The following PCMT1 variants were observed in gnomAD, a reference collection of about 807,000 sequenced individuals.
PCMT1 encodes protein-L-isoaspartate(D-aspartate) O-methyltransferase.
In PCMT1, 9 loss-of-function variants were observed where a neutral mutation model predicts 29.2. The ratio of observed to expected loss-of-function variants is 0.31; its 90% CI spans 0.19 to 0.54. The LOEUF (loss-of-function observed/expected upper bound fraction) is 0.54. Ranked by LOEUF, PCMT1 falls within the 20% of genes least tolerant of loss-of-function variation. The pLI, the probability that PCMT1 is intolerant of heterozygous loss-of-function variation, is 0.95. For synonymous variants in PCMT1, 98 were observed against 97.5 expected, an observed-to-expected ratio of 1.00 and a Z score of -0.03; for missense variants, 184 against 282.2, an observed-to-expected ratio of 0.65 and a Z score of 2.49.
At chr6:149,810,554 A>G in intron 7 of PCMT1, 62 bp from the exon 8 acceptor site, 1 of 1,328,518 alleles carries the variant, frequency 7.5e-7, no homozygotes, top group Admixed American at 2.0e-5. Flanking sequence ...CTAAACTATT[A>G]TAAAGCCAAA....
intron 3 of PCMT1, among the ~76,000 whole-genome samples, chr6:149,784,225 T>C (rs1787930268): frequency 6.6e-6 from 1 of 152,230 alleles, no homozygotes; most frequent in Non-Finnish European, 1.5e-5. Context: ...TGTGAGGCTG[T>C]ATCTATTCAA....
At chr6:149,764,840 G>C (rs1256633033) in intron 1 of PCMT1, among the ~76,000 whole-genome samples, 2 of 151,714 alleles carry the variant, frequency 1.3e-5, no homozygotes, top group Admixed American at 6.6e-5. Context: ...AGAAGATCGA[G>C]ACCATCCTGG....
chr6:149,783,885 G>C (rs559391419), intron 3 of PCMT1, among the ~76,000 whole-genome samples: 1 of 152,112 alleles, frequency 6.6e-6, no homozygotes. Flanking sequence ...GTAGACATAC[G>C]GTCTCAACTG....
In PCMT1 at chr6:149,802,154, A is replaced by G. The variant is rs756690157; in HGVS notation, c.505-46A>G. 2.8e-5 allele frequency: 37 copies of G among 1,333,496 alleles called. 2 individuals are homozygous for G. The South Asian group carries it at 5.1e-4, about 19-fold the overall frequency. 82.6% of individuals were successfully genotyped at this position (1,333,496 alleles called of 1,614,324 possible). A position where few individuals can be genotyped will look rare whatever the true frequency, so the allele number is the denominator to read the frequency against. ...AAAAATAAATAAATAAAATAAAATA[A>G]AATCTGTAACTTGGTGATGTATGTG... On this transcript the variant is annotated intron_variant, in intron 6 of 7. Coordinates refer to ENST00000464889, the MANE Select transcript of PCMT1 (RefSeq NM_001360452.2).
At chr6:149,762,413 T>C (rs909387837) in intron 1 of PCMT1, among the ~76,000 whole-genome samples, 1 of 151,238 alleles carries the variant, frequency 6.6e-6, no homozygotes, top group African/African-American at 2.4e-5. Context: ...ATTGCACATT[T>C]ACCCCTAATT....
At chr6:149,761,483 C>T (rs1786738884) in intron 1 of PCMT1, among the ~76,000 whole-genome samples, 2 of 152,140 alleles carry the variant, frequency 1.3e-5, no homozygotes, top group Admixed American at 6.6e-5. Flanking sequence ...ATCTTCATAT[C>T]TCTAAATCAT....
At chr6:149,809,711 T>G (rs1052381307) in intron 7 of PCMT1, among the ~76,000 whole-genome samples, 1 of 152,168 alleles carries the variant, frequency 6.6e-6, no homozygotes, top group African/African-American at 2.4e-5. Context: ...AACAAGTTGC[T>G]AGGATAGTAC....
In PCMT1 at chr6:149,762,548, G is replaced by T. The variant is rs1786793976; in HGVS notation, c.56-8614G>T. On this transcript the variant is annotated intron_variant, in intron 1 of 7. Coordinates refer to ENST00000464889, the MANE Select transcript of PCMT1 (RefSeq NM_001360452.2). ...ATATATCTATGATATATATATCTAT[G>T]ATATATATATATCTATGATATATAT... is the stretch of plus-strand genomic sequence containing the variant. Among the ~76,000 whole-genome samples the T allele has an allele frequency of 3.7e-4, 3 of 8,076 alleles. 1 individual carries two copies. In the Admixed American group the frequency reaches 7.0e-3, roughly 19 times the overall value. The allele number at this position is 8,076 out of a possible 152,430, so 5.3% of individuals were successfully genotyped here. A position where few individuals can be genotyped will look rare whatever the true frequency, so the allele number is the denominator to read the frequency against.
rs1235791688 is a variant in PCMT1, at chr6:149,811,105, G to A, written c.*527G>A. 1 of 154,156 alleles carries A rather than the reference G, an allele frequency of 6.5e-6. No homozygotes were observed. Among genetic ancestry groups the A allele is most frequent in the Non-Finnish European group, 1.4e-5 (1 of 69,504 alleles). The allele number at this position is 154,156 out of a possible 1,614,324, so 9.5% of individuals were successfully genotyped here. ...GCTTTCTTTTTAAAGCTTTTGATGT[G>A]GTGTCATAGAATAGCATGTTGTAGA... On this transcript the variant is annotated 3_prime_UTR_variant, in exon 8 of 8. Transcript: ENST00000464889.
At chr6:149,758,033 G>A (rs1368082397) in intron 1 of PCMT1, among the ~76,000 whole-genome samples, 2 of 151,800 alleles carry the variant, frequency 1.3e-5, no homozygotes, top group Middle Eastern at 3.4e-3. Flanking sequence ...ACAGGCACGT[G>A]CCACCATACC....
intron 3 of PCMT1, among the ~76,000 whole-genome samples, chr6:149,777,409 C>G (rs530682192): frequency 1.7e-4 from 26 of 152,262 alleles, no homozygotes; most frequent in African/African-American, 6.3e-4. Flanking sequence ...TATGTTGAAC[C>G]ACTGTTAAGT....
rs1787965323 is a variant in PCMT1 at position 149,785,042 on chromosome 6, T to C, written c.193-4912T>C. 3.3e-5 allele frequency among the ~76,000 whole-genome samples: 5 copies of C among 151,838 alleles called. No individual in the cohort carries two copies. The South Asian group carries it at 1.0e-3, about 31-fold the overall frequency. ...TGTTTCAGTTTTTTAAAGTATCTTT[T>C]AATTTTTAAAGAAAGACCCCTTTCT... On this transcript the variant is annotated intron_variant, in intron 3 of 7. Coordinates refer to ENST00000464889, the MANE Select transcript of PCMT1 (RefSeq NM_001360452.2).
intron 7 of PCMT1, among the ~76,000 whole-genome samples, chr6:149,808,414 G>A (rs959390533): frequency 6.6e-5 from 10 of 152,024 alleles, no homozygotes; most frequent in Non-Finnish European, 1.3e-4. Flanking sequence ...TAGAGTATTA[G>A]GCTTTTAAAA....
At chr6:149,768,142 A>C (rs1296377931) in intron 1 of PCMT1, among the ~76,000 whole-genome samples, 1 of 151,824 alleles carries the variant, frequency 6.6e-6, no homozygotes, top group Non-Finnish European at 1.5e-5. Context: ...CCCAGGCTGG[A>C]GTACAGTGGC....
chr6:149,790,435 A>G (rs541711120), intron 4 of PCMT1, among the ~76,000 whole-genome samples: 1 of 152,064 alleles, frequency 6.6e-6, no homozygotes, highest in African/African-American at 2.4e-5. Flanking sequence ...TAATCACAAG[A>G]TGGTGGCCAG....
intron 6 of PCMT1, among the ~76,000 whole-genome samples, chr6:149,798,877 A>T (rs1399823680): frequency 6.6e-6 from 1 of 152,274 alleles, no homozygotes; most frequent in East Asian, 1.9e-4. Flanking sequence ...GAGACTCTGC[A>T]TGAGGAATAA....
chr6:149,801,926 C>T (rs143163159), intron 6 of PCMT1, among the ~76,000 whole-genome samples: 1,819 of 151,894 alleles, frequency 0.012, 14 homozygotes, highest in Middle Eastern at 0.041. Context: ...GTTAGGAGTT[C>T]GAGACCAGTG....
At chr6:149,770,985 C>T (rs865807548) in intron 1 of PCMT1, among the ~76,000 whole-genome samples, 177 bp from the exon 2 acceptor site, 3 of 151,560 alleles carry the variant, frequency 2.0e-5, no homozygotes, top group African/African-American at 7.3e-5. Context: ...GGCGACAGAG[C>T]GAGACTCTGT....
intron 6 of PCMT1, among the ~76,000 whole-genome samples, chr6:149,800,956 A>G (rs1046794890): frequency 6.6e-6 from 1 of 152,228 alleles, no homozygotes; most frequent in African/African-American, 2.4e-5. Context: ...CTACAGTTGT[A>G]CCAGGTACTG....
Sources: gnomAD v4.1 joint callset for allele counts (sites outside exome capture counted in the v4.1 genomes callset) on GRCh38, gnomAD v4.1.1 for gene constraint, MANE v1.5 for transcripts, NCBI Gene and HGNC (gene_info 2026-07-23, HGNC 2026-07-21) for gene names.